Variants in NKAIN2 observed in about 807,000 individuals in gnomAD.
NKAIN2 encodes sodium/potassium-transporting ATPase subunit beta-1-interacting protein 2.
In NKAIN2, 14 loss-of-function variants were observed where a neutral mutation model predicts 32.6. That is an observed-to-expected ratio of 0.43 (90% confidence interval 0.28 to 0.67). The LOEUF is 0.67. NKAIN2 is among the 30% of genes least tolerant of loss of function. The pLI is 0.17. For synonymous variants in NKAIN2, 80 were observed against 87.2 expected (o/e 0.92, Z 0.46); for missense variants, 198 against 258.3 (o/e 0.77, Z 1.60).
chr6:124,613,171 C>G (rs567245208), intron 3 of NKAIN2, among the ~76,000 whole-genome samples: 6 of 152,044 alleles, frequency 3.9e-5, no homozygotes, highest in Non-Finnish European at 8.8e-5. Context: ...CAAGCAGAGT[C>G]CAATGGGAAG....
At chr6:124,554,119 T>G (rs1288124073) in intron 3 of NKAIN2, among the ~76,000 whole-genome samples, 1 of 152,230 alleles carries the variant, frequency 6.6e-6, no homozygotes, top group African/African-American at 2.4e-5. Context: ...AAAACTAAGA[T>G]TATTGTCTTT....
At chr6:124,555,851 G>A (rs1780454585) in intron 3 of NKAIN2, among the ~76,000 whole-genome samples, 1 of 152,146 alleles carries the variant, frequency 6.6e-6, no homozygotes, top group Non-Finnish European at 1.5e-5. Context: ...TTTAGCTCAT[G>A]TCAAAAGCAG....
intron 1 of NKAIN2, among the ~76,000 whole-genome samples, chr6:124,107,468 G>A (rs1162265904): frequency 6.6e-6 from 1 of 151,986 alleles, no homozygotes; most frequent in Admixed American, 6.6e-5. Context: ...CTGGATATTT[G>A]TTCATTATTG....
intron 1 of NKAIN2, among the ~76,000 whole-genome samples, chr6:123,976,292 TGTTTCC>T (rs1468039118): frequency 0.025 from 2,835 of 111,304 alleles, 409 homozygotes; most frequent in Non-Finnish European, 0.035. Context: ...TCCATATATA[TGTTTCC>T]ATATATATGT....
intron 4 of NKAIN2, among the ~76,000 whole-genome samples, chr6:124,731,997 C>G (rs1448038814): frequency 1.3e-5 from 2 of 152,008 alleles, no homozygotes; most frequent in Non-Finnish European, 2.9e-5. Flanking sequence ...GGATCTCAGG[C>G]AAGACTCTAA....
intron 4 of NKAIN2, among the ~76,000 whole-genome samples, chr6:124,724,958 TA>T (rs1305721629): frequency 1.3e-5 from 2 of 152,212 alleles, no homozygotes; most frequent in South Asian, 2.1e-4. Context: ...TTTATCCTCT[TA>T]AGGTCAAAGG....
At chr6:124,136,524 T>G (rs186009794) in intron 1 of NKAIN2, among the ~76,000 whole-genome samples, 2 of 152,184 alleles carry the variant, frequency 1.3e-5, no homozygotes, top group African/African-American at 4.8e-5. Flanking sequence ...GTATTATCGT[T>G]AATACCAAAA....
intron 2 of NKAIN2, among the ~76,000 whole-genome samples, chr6:124,330,480 T>C (rs1166704101): frequency 2.0e-5 from 3 of 152,186 alleles, no homozygotes; most frequent in Non-Finnish European, 4.4e-5. Flanking sequence ...ATGTCCAGAA[T>C]TGAGACAAGG....
At chr6:124,110,437 A>G (rs987540746) in intron 1 of NKAIN2, among the ~76,000 whole-genome samples, 3 of 151,962 alleles carry the variant, frequency 2.0e-5, no homozygotes, top group Non-Finnish European at 4.4e-5. Flanking sequence ...CAGGGAGTGC[A>G]TGTACGGATT....
At chr6:124,658,624 G>A in intron 4 of NKAIN2, 2 of 999,024 alleles carry the variant, frequency 2.0e-6, no homozygotes, top group Non-Finnish European at 2.9e-6. Flanking sequence ...TTTTACATAG[G>A]AAATCCAATC....
At chr6:123,900,471 C>T (rs9372765) in intron 1 of NKAIN2, among the ~76,000 whole-genome samples, 7 of 117,242 alleles carry the variant, frequency 6.0e-5, no homozygotes, top group African/African-American at 2.1e-4. Flanking sequence ...GACTCTGTCT[C>T]AAAAAATAAT....
intron 3 of NKAIN2, among the ~76,000 whole-genome samples, chr6:124,596,163 C>A (rs756726475): frequency 6.6e-6 from 1 of 152,146 alleles, no homozygotes; most frequent in Non-Finnish European, 1.5e-5. Context: ...TTAGCAGGAC[C>A]TGCAGGGTCT....
At chr6:124,417,513 T>C (rs1774548681) in intron 3 of NKAIN2, among the ~76,000 whole-genome samples, 1 of 145,916 alleles carries the variant, frequency 6.9e-6, no homozygotes, top group African/African-American at 2.5e-5. Flanking sequence ...TATTTATTTA[T>C]TAACTTTAAA....
chr6:123,934,603 A>T (rs1311165094), intron 1 of NKAIN2, among the ~76,000 whole-genome samples: 3 of 152,076 alleles, frequency 2.0e-5, no homozygotes, highest in African/African-American at 7.2e-5. Context: ...GTTGAGGCTT[A>T]AAATGGCCAT....
chr6:124,478,442 C>G (rs544695794), intron 3 of NKAIN2, among the ~76,000 whole-genome samples: 1 of 152,210 alleles, frequency 6.6e-6, no homozygotes, highest in Admixed American at 6.5e-5. Context: ...CAAAATAAAC[C>G]TGGAGCATCT....
At chr6:124,075,166 T>A (rs1173770876) in intron 1 of NKAIN2, among the ~76,000 whole-genome samples, 1 of 152,164 alleles carries the variant, frequency 6.6e-6, no homozygotes, top group Non-Finnish European at 1.5e-5. Flanking sequence ...TGTCGTTAAG[T>A]CTATAAACCT....
chr6:123,891,261 T>C (rs1476670672), intron 1 of NKAIN2, among the ~76,000 whole-genome samples: 1 of 152,102 alleles, frequency 6.6e-6, no homozygotes, highest in African/African-American at 2.4e-5. Context: ...TCAGGAAATA[T>C]TGGGGATGAT....
intron 5 of NKAIN2, among the ~76,000 whole-genome samples, chr6:124,815,632 G>C (rs1781131246): frequency 6.6e-6 from 1 of 151,956 alleles, no homozygotes; most frequent in Admixed American, 6.6e-5. Context: ...CAGTTCTTCT[G>C]GTACTGTTTA....
intron 1 of NKAIN2, among the ~76,000 whole-genome samples, chr6:123,856,852 C>T (rs1296605991): frequency 6.6e-6 from 1 of 152,148 alleles, no homozygotes; most frequent in Non-Finnish European, 1.5e-5. Context: ...CCTTCCTCTC[C>T]TAATTAAATC....
Sources: allele counts gnomAD v4.1 joint callset (sites outside exome capture counted in the v4.1 genomes callset), GRCh38; gene constraint gnomAD v4.1.1; transcripts MANE v1.5; gene names NCBI Gene and HGNC (gene_info 2026-07-23, HGNC 2026-07-21).